Variants in SARS1 observed in about 807,000 individuals in gnomAD.
SARS1 encodes the protein serine--tRNA ligase, cytoplasmic.
In SARS1, 25 loss-of-function variants were observed where a neutral mutation model predicts 63.7. The ratio of observed to expected loss-of-function variants is 0.39; its 90% CI spans 0.29 to 0.55. The LOEUF (loss-of-function observed/expected upper bound fraction) is 0.55, where lower values mean the gene tolerates loss of function less well. SARS1 is among the 20% of genes least tolerant of loss of function. The pLI is 0.62. For missense variants in SARS1, 417 were observed against 649.7 expected (o/e 0.64, Z 3.89); for synonymous variants, 231 against 243.5 (o/e 0.95, Z 0.48).
In SARS1 at chr1:109,235,811, G is replaced by T. The variant is rs1052679315; in HGVS notation, c.970-166G>T. Among the ~76,000 whole-genome samples, 1 of 152,164 alleles carries T rather than the reference G, an allele frequency of 6.6e-6. No homozygotes were observed. The highest frequency in any genetic ancestry group is 1.5e-5 in the Non-Finnish European group (1 of 68,022). ...GGGCTGGCATGCATACGGGAAGCTCGCACCATAAGCATTTGCTCTTGTGGT... is the reference window on the plus strand; with the variant it reads ...GGGCTGGCATGCATACGGGAAGCTCTCACCATAAGCATTTGCTCTTGTGGT... On this transcript the variant is annotated intron_variant, in intron 7 of 10. Transcript: ENST00000234677. This position sits in a 1 kb window ranked among gnomAD's most constrained non-coding sequence, Gnocchi z 4.7.
chr1:109,231,084 T>TA (rs1491396588), intron 5 of SARS1, 63 bp downstream of exon 5: 4,537 of 235,668 alleles, frequency 0.019, 2 homozygotes, highest in East Asian at 0.048. Context: ...TATATATATA[T>TA]TTTTTTTTTT....
chr1:109,230,773 C>G, intron 4 of SARS1, 105 bp from the exon 5 acceptor site: 1 of 1,035,812 alleles, frequency 9.7e-7, no homozygotes, highest in Non-Finnish European at 1.3e-6. Context: ...CCATTGCACT[C>G]CAGCCTGGAT....
chr1:109,216,553 G>A, intron 1 of SARS1: 5 of 984,980 alleles, frequency 5.1e-6, no homozygotes, highest in Non-Finnish European at 4.8e-6. Context: ...CAAACCCCAA[G>A]AATTTTATCC....
intron 5 of SARS1, 113 bp downstream of exon 5, chr1:109,231,134 A>C: frequency 1.6e-6 from 1 of 635,350 alleles, no homozygotes; most frequent in Non-Finnish European, 2.2e-6. Context: ...AGGCCCACAG[A>C]TCTACCAGTT....
intron 1 of SARS1, chr1:109,215,477 T>C (rs1654761698): frequency 1.0e-6 from 1 of 985,192 alleles, no homozygotes; most frequent in African/African-American, 1.7e-5. Flanking sequence ...GGATTCAATT[T>C]TATTCATACA....
intron 4 of SARS1, 107 bp downstream of exon 4, chr1:109,229,679 G>T (rs1655167444): frequency 8.4e-7 from 1 of 1,194,726 alleles, no homozygotes; most frequent in African/African-American, 1.5e-5. Flanking sequence ...GTCAGAAGCA[G>T]GTTCTTTGTA....
intron 1 of SARS1, among the ~76,000 whole-genome samples, chr1:109,221,970 G>GTATATATATATATA (rs773937466): frequency 3.6e-5 from 1 of 28,056 alleles, no homozygotes; most frequent in Admixed American, 6.3e-4. Flanking sequence ...TTGTGTGTGT[G>GTATATATATATATA]TATATATATA....
intron 1 of SARS1, among the ~76,000 whole-genome samples, chr1:109,219,829 A>G (rs923331006): frequency 2.0e-5 from 3 of 152,140 alleles, no homozygotes; most frequent in African/African-American, 4.8e-5. Flanking sequence ...CTTTCTTTCA[A>G]GATTATGTCT....
rs1219942941 is a variant in SARS1 at position 109,229,525 on chromosome 1, G to A, written c.400G>A (p.Glu134Lys). 6.2e-7 allele frequency: 1 copy of A among 1,614,136 alleles called. No individual in the cohort carries two copies. The highest frequency in any genetic ancestry group is 8.5e-7 in the Non-Finnish European group (1 of 1,180,060). The change falls in exon 4 of 11, where the codon GAG becomes AAG. Residue 134 changes from glutamate to lysine, a missense_variant. Glu to Lys is a moderately conservative substitution (Grantham distance 56). Around this residue, in one of 3 missense-constraint regions of SARS1, gnomAD observed 359 missense variants for 529.6 expected, o/e 0.68. Coordinates refer to ENST00000234677, the MANE Select transcript of SARS1 (RefSeq NM_006513.4). ...AGCAGAGCGGTTTGAGAACCTCCGA[G>A]AGATTGGGAACCTTCTGCACCCTTC... The part of the protein sequence containing the change: ...LEAERFENLR[E>K]IGNLLHPSVP...
Position 109,228,327 on chromosome 1 carries a change from T to G in SARS1, c.208-25T>G, listed in dbSNP as rs1282247364. The G allele has an allele frequency of 2.6e-6, 4 of 1,542,112 alleles. No individual in the cohort carries two copies. In the African/African-American group the frequency reaches 5.5e-5, roughly 21 times the overall value. ...CCAGAGATTTTCTTTTATTTATTTG[T>G]GTTGGGTTTTTTTCCTTCCTGCAGA... is the stretch of plus-strand genomic sequence containing the variant. On this transcript the variant is annotated intron_variant, in intron 2 of 10. Transcript: ENST00000234677.
intron 5 of SARS1, 60 bp downstream of exon 5, chr1:109,231,081 ATATTTT>A: frequency 2.6e-5 from 22 of 855,784 alleles, no homozygotes; most frequent in Non-Finnish European, 2.8e-5. Context: ...ATATATATAT[ATATTTT>A]TTTTTTTTTT....
chr1:109,218,717 T>TCCA (rs1654851706), intron 1 of SARS1, among the ~76,000 whole-genome samples: 1 of 152,198 alleles, frequency 6.6e-6, no homozygotes, highest in East Asian at 1.9e-4. Context: ...CTTCCTGGAA[T>TCCA]GCTCCTTATC....
chr1:109,227,150 G>A lies in SARS1; in HGVS notation c.208-1202G>A, dbSNP rs934438281. On this transcript the variant is annotated intron_variant, in intron 2 of 10. Transcript: ENST00000234677. ...GTTGGGATTACAGGTGTCTGCTACCGCGCCTGCCTAATTTTTGTATTTTTA... is the reference window on the plus strand; with the variant it reads ...GTTGGGATTACAGGTGTCTGCTACCACGCCTGCCTAATTTTTGTATTTTTA... 4.0e-5 allele frequency among the ~76,000 whole-genome samples: 6 copies of A among 151,496 alleles called. No individual in the cohort carries two copies. In the East Asian group the frequency reaches 5.9e-4, roughly 15 times the overall value.
rs374713441 is a variant in SARS1 at position 109,237,914 on chromosome 1, G to C, written c.*26G>C. ...ACATTCCTGCCTCCCTATTTGCCAG[G>C]CTTTCATTTCTGTCTGCTGAGATCT... is the stretch of plus-strand genomic sequence containing the variant. On this transcript the variant is annotated 3_prime_UTR_variant, in exon 11 of 11. Transcript: ENST00000234677. This position sits in a 1 kb window ranked among gnomAD's most constrained non-coding sequence, Gnocchi z 4.1. The C allele has an allele frequency of 9.0e-5, 145 of 1,612,154 alleles. 1 individual carries two copies. The African/African-American group carries it at 1.8e-3, about 20-fold the overall frequency.
intron 2 of SARS1, among the ~76,000 whole-genome samples, chr1:109,227,674 G>A (rs1420966777): frequency 6.6e-6 from 1 of 152,028 alleles, no homozygotes; most frequent in African/African-American, 2.4e-5. Flanking sequence ...GGCCAAGGTG[G>A]GGGATCACTT....
At chr1:109,229,895 G>C (rs945734394) in intron 4 of SARS1, among the ~76,000 whole-genome samples, 2 of 152,174 alleles carry the variant, frequency 1.3e-5, no homozygotes, top group African/African-American at 4.8e-5. Flanking sequence ...CCCACACCCT[G>C]CTGAGAAGCT....
Position 109,237,663 on chromosome 1 carries a change from C to A in SARS1, c.1388-68C>A. On this transcript the variant is annotated intron_variant, in intron 10 of 10. Coordinates refer to ENST00000234677, the MANE Select transcript of SARS1 (RefSeq NM_006513.4). This position sits in a 1 kb window ranked among gnomAD's most constrained non-coding sequence, Gnocchi z 4.1. The stretch of plus-strand genomic sequence containing the variant: ...AGGGATCATTGTCTTGTTGAATTCT[C>A]CCCAGAGGTCTTAGGGCTTTGACTC... 6.4e-7 allele frequency: 1 copy of A among 1,550,416 alleles called. No homozygotes were observed. The highest frequency in any genetic ancestry group is 1.4e-5 in the African/African-American group (1 of 72,748).
chr1:109,216,051 A>G, intron 1 of SARS1: 1 of 985,364 alleles, frequency 1.0e-6, no homozygotes, highest in South Asian at 4.7e-5. Context: ...TTTCTATTTG[A>G]CAACCCTTTC....
intron 2 of SARS1, among the ~76,000 whole-genome samples, chr1:109,227,332 A>G (rs775785382): frequency 6.6e-6 from 1 of 152,182 alleles, no homozygotes; most frequent in Non-Finnish European, 1.5e-5. Context: ...TCTTTAAGTG[A>G]TCTTTTTAAA....
Sources: allele counts gnomAD v4.1 joint callset (sites outside exome capture counted in the v4.1 genomes callset), GRCh38; gene constraint gnomAD v4.1.1; regional missense constraint gnomAD v4.1.1; non-coding constraint Gnocchi (gnomAD v3.1); transcripts MANE v1.5; gene names NCBI Gene and HGNC (gene_info 2026-07-23, HGNC 2026-07-21).